The following FADS2 variants were observed in gnomAD, a reference collection of about 807,000 sequenced individuals.
The protein encoded by FADS2 is acyl-CoA 6-desaturase.
In FADS2, 18 loss-of-function variants were observed where a neutral mutation model predicts 61.2. The observed-to-expected ratio is 0.29, with a 90% CI of 0.20 to 0.44. The LOEUF is 0.44. Among genes scored for constraint, FADS2 ranks in the 20% least tolerant of loss-of-function variants. The pLI is 1.00. For missense variants in FADS2, 322 were observed against 572.7 expected (o/e 0.56, Z 4.47); for synonymous variants, 203 against 223.9 (o/e 0.91, Z 0.83).
At chr11:61,828,194 G>T (rs1026170163), upstream of FADS2, 8 of 1,417,066 alleles carry the variant, frequency 5.6e-6, no homozygotes, top group Middle Eastern at 2.6e-4. The surrounding 1 kb of genome is among the most constrained non-coding windows in gnomAD (Gnocchi z 6.4). Context: ...GGGATCCTCC[G>T]CCAGGAAGGC....
At chr11:61,850,163 G>T (rs1383802177) in intron 5 of FADS2, among the ~76,000 whole-genome samples, 3 of 152,150 alleles carry the variant, frequency 2.0e-5, no homozygotes, top group African/African-American at 7.2e-5. Flanking sequence ...ATGGTATTCT[G>T]TTGTACTTCT....
upstream of FADS2, among the ~76,000 whole-genome samples, chr11:61,825,108 C>T (rs1016506335): frequency 3.9e-5 from 6 of 152,102 alleles, no homozygotes; most frequent in African/African-American, 1.2e-4. Context: ...TAAGCCACTG[C>T]TCCCAGCCTA....
At chr11:61,837,948 TGA>T (rs945506406) in intron 2 of FADS2, 60 bp downstream of exon 2, 4 of 1,194,036 alleles carry the variant, frequency 3.3e-6, no homozygotes, top group Non-Finnish European at 2.4e-6. Context: ...GCTGGGAGTC[TGA>T]GAGAGGCTCC....
At position 61,857,509 on chromosome 11, in the gene FADS2, G is replaced by A. The variant is rs1330878257; in HGVS notation, c.861G>A (p.Met287Ile). The change falls in exon 7 of 12, where the codon ATG becomes ATA. Residue 287 changes from methionine to isoleucine, a missense_variant. Met to Ile is a conservative substitution (Grantham distance 10). Around this residue, in one of 3 missense-constraint regions of FADS2, gnomAD observed 221 missense variants for 427.9 expected, o/e 0.52. Transcript: ENST00000278840. ...MYFQYQIIMTMIVHKNWVDLA... is the reference protein window; with the variant it reads ...MYFQYQIIMTIIVHKNWVDLA... ...TCCAGTACCAGATCATCATGACCAT[G>A]ATCGTCCATAAGAACTGGGTGGTGA... The A allele has an allele frequency of 3.7e-6, 6 of 1,613,888 alleles. No individual in the cohort carries two copies. In the Admixed American group the frequency reaches 1.0e-4, roughly 27 times the overall value.
chr11:61,844,279 G>A (rs1459905354), intron 4 of FADS2, among the ~76,000 whole-genome samples: 11 of 152,154 alleles, frequency 7.2e-5, no homozygotes, highest in African/African-American at 2.2e-4. Context: ...AAGACCGGGC[G>A]AGGTGGCTTG....
At chr11:61,818,290 T>C (rs1451067122) in intron 1 of FADS2, among the ~76,000 whole-genome samples, 1 of 152,160 alleles carries the variant, frequency 6.6e-6, no homozygotes, top group Non-Finnish European at 1.5e-5. Flanking sequence ...CATAGGGAAG[T>C]TTAGATGTCC....
rs1276289981 is a variant in FADS2 at position 61,834,880 on chromosome 11, G to T, written c.208-2898G>T. Among the ~76,000 whole-genome samples, 3 of 151,968 alleles carry T rather than the reference G, an allele frequency of 2.0e-5. No individual in the cohort carries two copies. In the East Asian group the frequency reaches 5.8e-4, roughly 30 times the overall value. On this transcript the variant is annotated intron_variant, in intron 1 of 11. Transcript: ENST00000278840. The stretch of plus-strand genomic sequence containing the variant: ...TGCTCATTTTGCATAGGCGGCTGAG[G>T]CTCTGGTGGGGACTGATCACCCCAC...
intron 1 of FADS2, among the ~76,000 whole-genome samples, chr11:61,819,415 G>A (rs940883136): frequency 6.6e-6 from 1 of 152,076 alleles, no homozygotes; most frequent in Non-Finnish European, 1.5e-5. Context: ...GCGTGGCGGC[G>A]TGCGCCTGTA....
At chr11:61,838,285 T>C (rs1375236771) in intron 2 of FADS2, among the ~76,000 whole-genome samples, 5 of 152,138 alleles carry the variant, frequency 3.3e-5, no homozygotes, top group Non-Finnish European at 5.9e-5. Context: ...ATCTGTTCAT[T>C]GTCTGCAGGT....
At chr11:61,833,234 TG>T (rs2077181071) in intron 1 of FADS2, among the ~76,000 whole-genome samples, 1 of 152,238 alleles carries the variant, frequency 6.6e-6, no homozygotes, top group African/African-American at 2.4e-5. Flanking sequence ...GTCCTCTTCC[TG>T]GAAAGTCTCT....
At chr11:61,824,419 A>T (rs1173131899), upstream of FADS2, among the ~76,000 whole-genome samples, 2 of 10,594 alleles carry the variant, frequency 1.9e-4, 1 homozygote, top group East Asian at 0.013. Flanking sequence ...AGAGAGAGAG[A>T]GAGAGAGAGA....
chr11:61,855,099 C>A (rs910721283), intron 5 of FADS2: 2 of 152,640 alleles, frequency 1.3e-5, no homozygotes, highest in African/African-American at 4.8e-5. Context: ...TCCCCAGGTG[C>A]CTCCCAGGCC....
intron 1 of FADS2, among the ~76,000 whole-genome samples, chr11:61,829,778 G>C (rs1208950511): frequency 6.6e-6 from 1 of 152,188 alleles, no homozygotes. Context: ...ATGCCCAACT[G>C]TTGGTGGGCT....
intron 6 of FADS2, 122 bp from the exon 7 acceptor site, chr11:61,857,332 G>C (rs1207458022): frequency 1.1e-6 from 1 of 926,510 alleles, no homozygotes; most frequent in Non-Finnish European, 1.8e-6. Context: ...GGGGTCCCTG[G>C]CTGCTTCTGC....
At chr11:61,842,788 G>A (rs1298422176) in intron 4 of FADS2, among the ~76,000 whole-genome samples, 2 of 152,222 alleles carry the variant, frequency 1.3e-5, no homozygotes, top group Non-Finnish European at 2.9e-5. Context: ...TCTAGCACTC[G>A]GCAGGTGCAC....
chr11:61,866,428 A>AAAGGG lies in FADS2; in HGVS notation c.*740_*744dup, dbSNP rs1365647488. 1 of 159,412 alleles carries AAAGGG rather than the reference A, an allele frequency of 6.3e-6. No individual in the cohort carries two copies. Among genetic ancestry groups the AAAGGG allele is most frequent in the Non-Finnish European group, 1.4e-5 (1 of 73,182 alleles). The allele number at this position is 159,412 out of a possible 1,614,324, so 9.9% of individuals were successfully genotyped here. On this transcript the variant is annotated 3_prime_UTR_variant, in exon 12 of 12. Coordinates refer to ENST00000278840, the MANE Select transcript of FADS2 (RefSeq NM_004265.4). ...AACTTGAGCCTGTGACCTTGGGACC[A>AAAGGG]AAGGGGGAGTCCCTCGTCTCTTGTG...
At chr11:61,830,622 G>A (rs1021195001) in intron 1 of FADS2, among the ~76,000 whole-genome samples, 1 of 152,236 alleles carries the variant, frequency 6.6e-6, no homozygotes, top group Non-Finnish European at 1.5e-5. Context: ...TATCTTGGAT[G>A]TTGGTTGCTT....
At position 61,866,129 on chromosome 11, in the gene FADS2, C is replaced by T. The variant is rs543618342; in HGVS notation, c.*440C>T. 61 of 399,836 alleles carry T rather than the reference C, an allele frequency of 1.5e-4. No homozygotes were observed. In the Admixed American group the frequency reaches 2.6e-3, roughly 17 times the overall value. The allele number at this position is 399,836 out of a possible 1,614,324, so 24.8% of individuals were successfully genotyped here. Reference sequence around the variant, plus strand: ...CTCTTGGGGTTCATAGGGGCAGGTCCTAGTCGGGCAGGGCCCCTGACCCTC... The same window carrying T: ...CTCTTGGGGTTCATAGGGGCAGGTCTTAGTCGGGCAGGGCCCCTGACCCTC... On this transcript the variant is annotated 3_prime_UTR_variant, in exon 12 of 12. Coordinates refer to ENST00000278840, the MANE Select transcript of FADS2 (RefSeq NM_004265.4).
intron 1 of FADS2, chr11:61,817,281 C>T: frequency 4.0e-6 from 1 of 248,936 alleles, no homozygotes; most frequent in Non-Finnish European, 7.6e-6. Context: ...GCTGTGGATG[C>T]CTTGGCCGGG....
Sources: gnomAD v4.1 joint callset for allele counts (sites outside exome capture counted in the v4.1 genomes callset) on GRCh38, gnomAD v4.1.1 for gene constraint, gnomAD v4.1.1 regional missense constraint, Gnocchi (gnomAD v3.1) non-coding constraint, MANE v1.5 for transcripts, NCBI Gene and HGNC (gene_info 2026-07-23, HGNC 2026-07-21) for gene names.